The following CMIP variants were observed in gnomAD, a reference collection of about 807,000 sequenced individuals.
CMIP encodes the protein c-Maf inducing protein, also known as C-Maf-inducing protein.
Under a neutral mutation model 97.3 loss-of-function variants are expected in CMIP, and 13 were observed. The ratio of observed to expected loss-of-function variants is 0.13; its 90% CI spans 0.09 to 0.21. The LOEUF (loss-of-function observed/expected upper bound fraction) is 0.21. Ranked by LOEUF, CMIP falls within the 10% of genes least tolerant of loss-of-function variation. CMIP has a pLI of 1.00. For synonymous variants in CMIP, 538 were observed against 436.3 expected (o/e 1.23, Z -2.91); for missense variants, 847 against 1,024.9 (o/e 0.83, Z 2.37).
intron 1 of CMIP, among the ~76,000 whole-genome samples, chr16:81,498,651 A>C (rs972208578): frequency 1.3e-5 from 2 of 152,160 alleles, no homozygotes; most frequent in African/African-American, 4.8e-5. Context: ...ATACCCCACG[A>C]GCACACACGT....
chr16:81,475,754 G>A (rs2150751328), intron 1 of CMIP, among the ~76,000 whole-genome samples: 1 of 152,262 alleles, frequency 6.6e-6, no homozygotes, highest in East Asian at 1.9e-4. Context: ...GGGAGGTTGA[G>A]GCAGGTGGAT....
chr16:81,592,501 G>C (rs1161337164), intron 1 of CMIP, among the ~76,000 whole-genome samples: 2 of 152,148 alleles, frequency 1.3e-5, no homozygotes, highest in African/African-American at 2.4e-5. Flanking sequence ...CCTTTGTACC[G>C]GACCCTCCTC....
intron 1 of CMIP, among the ~76,000 whole-genome samples, chr16:81,542,507 T>C (rs967475173): frequency 1.3e-5 from 2 of 152,050 alleles, no homozygotes; most frequent in African/African-American, 4.8e-5. Flanking sequence ...AGGAGTGTGT[T>C]TTTCTGGACC....
intron 3 of CMIP, chr16:81,645,367 C>T (rs2092352700): frequency 4.1e-6 from 6 of 1,445,982 alleles, no homozygotes; most frequent in African/African-American, 1.4e-5. Flanking sequence ...TGTGTACGCG[C>T]GCGAGCCCCA....
intron 10 of CMIP, among the ~76,000 whole-genome samples, chr16:81,687,861 T>G (rs1320656301): frequency 6.6e-6 from 1 of 152,196 alleles, no homozygotes; most frequent in Non-Finnish European, 1.5e-5. Flanking sequence ...CCGAAGCTAT[T>G]GCTTCCCTGC....
At chr16:81,468,202 G>A (rs1907320518) in intron 1 of CMIP, among the ~76,000 whole-genome samples, 1 of 152,190 alleles carries the variant, frequency 6.6e-6, no homozygotes, top group Non-Finnish European at 1.5e-5. Flanking sequence ...CAGAGGGCTG[G>A]GGAGGCAGAA....
rs1374041162 is a variant in CMIP at position 81,710,551 on chromosome 16, G to A, written c.*752G>A. On this transcript the variant is annotated 3_prime_UTR_variant, in exon 21 of 21. Transcript: ENST00000537098. Reference sequence around the variant, plus strand: ...ACAACAAAAAGAAGAAAAAAAAAAAGAACCTCCTTGGAAAAATTAATTGCT... The same window carrying A: ...ACAACAAAAAGAAGAAAAAAAAAAAAAACCTCCTTGGAAAAATTAATTGCT... The A allele has an allele frequency of 6.6e-6, 1 of 150,608 alleles. No homozygotes were observed. The highest frequency in any genetic ancestry group is 1.5e-5 in the Non-Finnish European group (1 of 67,600). The allele number at this position is 150,608 out of a possible 1,614,324, so 9.3% of individuals were successfully genotyped here.
chr16:81,454,186 C>T (rs548777437), intron 1 of CMIP, among the ~76,000 whole-genome samples: 6 of 152,172 alleles, frequency 3.9e-5, no homozygotes, highest in African/African-American at 7.2e-5. Context: ...CCTATATGTT[C>T]CTGGTTGCAA....
At chr16:81,452,951 G>GC (rs2150730731) in intron 1 of CMIP, among the ~76,000 whole-genome samples, 1 of 144,268 alleles carries the variant, frequency 6.9e-6, no homozygotes, top group South Asian at 2.3e-4. Context: ...AGCCCTGGTA[G>GC]CAGTGCCTTA....
At chr16:81,489,430 G>A (rs1223590564) in intron 1 of CMIP, among the ~76,000 whole-genome samples, 1 of 152,216 alleles carries the variant, frequency 6.6e-6, no homozygotes, top group Non-Finnish European at 1.5e-5. Flanking sequence ...GGTAGTCAGA[G>A]CGTATTATTC....
intron 2 of CMIP, chr16:81,611,247 C>T (rs1326667821): frequency 6.6e-6 from 1 of 152,282 alleles, no homozygotes; most frequent in Admixed American, 6.5e-5. Context: ...TTCTGTGGAG[C>T]AGTGCTGACC....
intron 1 of CMIP, among the ~76,000 whole-genome samples, chr16:81,532,058 TCTC>T (rs2090247396): frequency 6.6e-6 from 1 of 152,312 alleles, no homozygotes; most frequent in Non-Finnish European, 1.5e-5. Context: ...ATTCTGTAGT[TCTC>T]CTAGCAATCT....
intron 7 of CMIP, chr16:81,664,557 A>G (rs1326447454): frequency 1.7e-6 from 1 of 582,244 alleles, no homozygotes; most frequent in Non-Finnish European, 3.0e-6. Flanking sequence ...ATCTTTTTGC[A>G]GTTCCTAAGA....
At chr16:81,460,301 C>T (rs187342607) in intron 1 of CMIP, among the ~76,000 whole-genome samples, 3 of 152,266 alleles carry the variant, frequency 2.0e-5, no homozygotes, top group Non-Finnish European at 4.4e-5. Context: ...TTCCCTCCTC[C>T]CTTTTCCTTC....
chr16:81,635,792 G>A (rs4076485), intron 3 of CMIP, among the ~76,000 whole-genome samples: 64,369 of 151,850 alleles, frequency 0.42, 14,165 homozygotes, highest in East Asian at 0.58. Flanking sequence ...TGGGGGAGGG[G>A]GGGACAGCTC....
intron 3 of CMIP, among the ~76,000 whole-genome samples, chr16:81,626,786 AGAGTGTGTGT>A (rs1300776078): frequency 4.9e-5 from 5 of 102,580 alleles, no homozygotes; most frequent in African/African-American, 1.2e-4. Flanking sequence ...AGAGAGAGAG[AGAGTGTGTGT>A]GTGTGTGTGT....
chr16:81,594,607 A>AGTTTTT lies in CMIP; in HGVS notation c.301-12940_301-12935dup, dbSNP rs1040177788. Among the ~76,000 whole-genome samples, 14 of 151,760 alleles carry AGTTTTT rather than the reference A, an allele frequency of 9.2e-5. No individual in the cohort carries two copies. In the East Asian group the frequency reaches 9.7e-4, roughly 11 times the overall value. On this transcript the variant is annotated intron_variant, in intron 1 of 20. Transcript: ENST00000537098. The stretch of plus-strand genomic sequence containing the variant: ...CTAAACATATATATACCTATGATAA[A>AGTTTTT]GTTTTTGTTTTTGTTTTTGTTTTTG...
At chr16:81,637,402 C>T (rs1414865169) in intron 3 of CMIP, among the ~76,000 whole-genome samples, 2 of 152,144 alleles carry the variant, frequency 1.3e-5, no homozygotes, top group Non-Finnish European at 2.9e-5. Flanking sequence ...AAGACATTAA[C>T]TGTCTTTAGT....
chr16:81,516,237 C>T (rs1250402399), intron 1 of CMIP, among the ~76,000 whole-genome samples: 3 of 152,172 alleles, frequency 2.0e-5, no homozygotes, highest in Non-Finnish European at 4.4e-5. Flanking sequence ...GGTTTCTAGT[C>T]CAGTCACTTG....
Sources: gnomAD v4.1 joint callset for allele counts (sites outside exome capture counted in the v4.1 genomes callset) on GRCh38, gnomAD v4.1.1 for gene constraint, MANE v1.5 for transcripts, NCBI Gene and HGNC (gene_info 2026-07-23, HGNC 2026-07-21) for gene names.